The following SHROOM3 variants were observed in gnomAD, a reference collection of about 807,000 sequenced individuals.
SHROOM3 encodes shroom family member 3, also known as protein Shroom3.
A neutral mutation model predicts 138.6 loss-of-function variants in SHROOM3; 47 were observed. The ratio of observed to expected loss-of-function variants is 0.34; its 90% CI spans 0.27 to 0.43. The LOEUF (loss-of-function observed/expected upper bound fraction) is 0.43. SHROOM3 is among the 20% of genes least tolerant of loss of function. SHROOM3 has a pLI of 1.00. For missense variants in SHROOM3, 2,491 were observed against 2,596.5 expected (o/e 0.96, Z 0.88); for synonymous variants, 1,062 against 1,063.3 (o/e 1.00, Z 0.02).
intron 4 of SHROOM3, among the ~76,000 whole-genome samples, chr4:76,738,442 A>C (rs1721142280): frequency 6.6e-6 from 1 of 152,050 alleles, no homozygotes; most frequent in Non-Finnish European, 1.5e-5. Flanking sequence ...GCACATGCAA[A>C]ATGTCATTTC....
intron 10 of SHROOM3, among the ~76,000 whole-genome samples, chr4:76,772,131 T>C (rs1363434491): frequency 1.4e-5 from 2 of 142,604 alleles, no homozygotes; most frequent in Non-Finnish European, 3.0e-5. Context: ...TGAGACAGAG[T>C]CTCACTCCGT....
chr4:76,719,508 A>G (rs1211054995), intron 3 of SHROOM3, among the ~76,000 whole-genome samples: 1 of 152,242 alleles, frequency 6.6e-6, no homozygotes, highest in African/African-American at 2.4e-5. Context: ...GGCAAAGATG[A>G]ATGCTATTAC....
intron 2 of SHROOM3, 45 bp downstream of exon 2, chr4:76,555,808 A>G: frequency 5.0e-6 from 8 of 1,594,402 alleles, no homozygotes; most frequent in Non-Finnish European, 6.8e-6. Context: ...ACCTCACCCC[A>G]CCTCTCTCCC....
intron 1 of SHROOM3, among the ~76,000 whole-genome samples, chr4:76,544,377 T>C (rs1275816044): frequency 1.3e-5 from 2 of 150,300 alleles, no homozygotes; most frequent in Non-Finnish European, 3.0e-5. Context: ...GGTCCCACTT[T>C]CCTCAAAAAA....
Position 76,754,790 on chromosome 4 carries a change from C to A in SHROOM3, c.4307C>A (p.Ala1436Glu). Reference protein sequence around the residue: ...PPPSRAKWAHAAREDSLPEES... With the variant: ...PPPSRAKWAHEAREDSLPEES... ...CCTTCTCGAGCAAAGTGGGCCCACG[C>A]AGCCAGAGAGGACAGCCTTCCTGAG... The change falls in exon 7 of 11, where the codon GCA becomes GAA. Residue 1436 changes from alanine (A) to glutamate (E), a missense_variant. Transcript: ENST00000296043. The A allele has an allele frequency of 6.2e-7, 1 of 1,614,186 alleles. No individual in the cohort carries two copies. Among genetic ancestry groups the A allele is most frequent in the South Asian group, 1.1e-5 (1 of 91,082 alleles).
At chr4:76,548,827 A>G (rs562412277) in intron 1 of SHROOM3, among the ~76,000 whole-genome samples, 4 of 152,320 alleles carry the variant, frequency 2.6e-5, no homozygotes, top group African/African-American at 9.6e-5. Context: ...CCGGGCTCCA[A>G]TGTGCGGATA....
At chr4:76,492,294 T>A (rs750927360) in intron 1 of SHROOM3, among the ~76,000 whole-genome samples, 1 of 152,208 alleles carries the variant, frequency 6.6e-6, no homozygotes, top group Non-Finnish European at 1.5e-5. Flanking sequence ...TGTGCACTAA[T>A]GAGAATTAGC....
At chr4:76,454,354 A>T (rs911978786) in intron 1 of SHROOM3, among the ~76,000 whole-genome samples, 1 of 152,124 alleles carries the variant, frequency 6.6e-6, no homozygotes, top group African/African-American at 2.4e-5. Context: ...TAATTTTCTT[A>T]TATGGTATAA....
rs183165095 is a variant in SHROOM3, at chr4:76,755,464, C to A, written c.4709+272C>A. Among the ~76,000 whole-genome samples, 19 of 152,232 alleles carry A rather than the reference C, an allele frequency of 1.2e-4. No homozygotes were observed. In the East Asian group the frequency reaches 3.5e-3, roughly 28 times the overall value. On this transcript the variant is annotated intron_variant, in intron 7 of 10. Coordinates refer to ENST00000296043, the MANE Select transcript of SHROOM3 (RefSeq NM_020859.4). ...ATAGGCTTAGGCGGTCCAAGTAAATCCCTCCTCCCTGGATGAGTTCTGAAT... is the reference window on the plus strand; with the variant it reads ...ATAGGCTTAGGCGGTCCAAGTAAATACCTCCTCCCTGGATGAGTTCTGAAT...
intron 2 of SHROOM3, among the ~76,000 whole-genome samples, chr4:76,632,678 AC>A (rs752667775): frequency 6.6e-6 from 1 of 152,210 alleles, no homozygotes; most frequent in Non-Finnish European, 1.5e-5. Context: ...AGCTAGTGAT[AC>A]GGTAATGAGG....
At chr4:76,615,850 G>A (rs1050484600) in intron 2 of SHROOM3, among the ~76,000 whole-genome samples, 1 of 152,204 alleles carries the variant, frequency 6.6e-6, no homozygotes, top group African/African-American at 2.4e-5. Context: ...TATGAGTGGT[G>A]CATCAAGTGA....
chr4:76,658,262 A>G (rs1254913480), intron 2 of SHROOM3, among the ~76,000 whole-genome samples: 2 of 152,208 alleles, frequency 1.3e-5, no homozygotes, highest in Admixed American at 1.3e-4. Context: ...AGTTGGAATT[A>G]ATGAAATCAT....
chr4:76,505,089 A>G (rs2110001601), intron 1 of SHROOM3, among the ~76,000 whole-genome samples: 1 of 152,324 alleles, frequency 6.6e-6, no homozygotes, highest in African/African-American at 2.4e-5. Context: ...TACAAAGAGT[A>G]TAGCTTTGAG....
chr4:76,441,086 G>GTTTTTTTTTTTTTT lies in SHROOM3; in HGVS notation c.168+4874_168+4887dup, dbSNP rs374530154. 1.6e-4 allele frequency among the ~76,000 whole-genome samples: 13 copies of GTTTTTTTTTTTTTT among 82,188 alleles called. 1 individual carries two copies. Among genetic ancestry groups the GTTTTTTTTTTTTTT allele is most frequent in the East Asian group, 4.6e-4 (1 of 2,192 alleles). The allele number at this position is 82,188 out of a possible 152,430, so 53.9% of individuals were successfully genotyped here. A position where few individuals can be genotyped will look rare whatever the true frequency, so the allele number is the denominator to read the frequency against. On this transcript the variant is annotated intron_variant, in intron 1 of 10. Transcript: ENST00000296043. ...TCAGCCACAGTCCTGAGTTCAATTT[G>GTTTTTTTTTTTTTT]TTTTTTTTTTTTTTTTTTTTTGAGA...
chr4:76,458,748 G>A (rs1015765575), intron 1 of SHROOM3, among the ~76,000 whole-genome samples: 1 of 152,144 alleles, frequency 6.6e-6, no homozygotes, highest in Non-Finnish European at 1.5e-5. Context: ...CCTCTTTGTA[G>A]TTTGTTTGTT....
chr4:76,466,236 C>G (rs996521914), intron 1 of SHROOM3, among the ~76,000 whole-genome samples: 1 of 152,174 alleles, frequency 6.6e-6, no homozygotes, highest in Non-Finnish European at 1.5e-5. Flanking sequence ...GCATTGGGGT[C>G]AGACTCTTGT....
At chr4:76,680,391 G>A (rs908488284) in intron 2 of SHROOM3, among the ~76,000 whole-genome samples, 14 of 152,020 alleles carry the variant, frequency 9.2e-5, no homozygotes, top group African/African-American at 3.4e-4. Context: ...TGCCCGCCTC[G>A]GCCTCCCAAA....
chr4:76,555,909 T>C, intron 2 of SHROOM3, 146 bp downstream of exon 2: 3 of 899,442 alleles, frequency 3.3e-6, no homozygotes, highest in Non-Finnish European at 5.2e-6. Flanking sequence ...TCTTTTTTCT[T>C]TCCTATCTTG....
intron 1 of SHROOM3, among the ~76,000 whole-genome samples, chr4:76,522,805 A>G (rs1414318501): frequency 6.6e-6 from 1 of 152,176 alleles, no homozygotes; most frequent in African/African-American, 2.4e-5. Flanking sequence ...AATAAAAATA[A>G]AAGTAAATGC....
Sources: gnomAD v4.1 joint callset for allele counts (sites outside exome capture counted in the v4.1 genomes callset) on GRCh38, gnomAD v4.1.1 for gene constraint, MANE v1.5 for transcripts, NCBI Gene and HGNC (gene_info 2026-07-23, HGNC 2026-07-21) for gene names.